The following TAPT1 variants were observed in gnomAD, a reference collection of about 807,000 sequenced individuals.
The protein encoded by TAPT1 is transmembrane anterior posterior transformation 1.
Under a neutral mutation model 65.6 loss-of-function variants are expected in TAPT1, and 28 were observed. That is an observed-to-expected ratio of 0.43 (90% CI 0.32 to 0.59). TAPT1 has a LOEUF of 0.59. Ranked by LOEUF, TAPT1 falls within the 20% of genes least tolerant of loss-of-function variation. TAPT1 has a pLI of 0.09. For synonymous variants in TAPT1, 278 were observed against 245.2 expected (o/e 1.13, Z -1.25); for missense variants, 563 against 679.9 (o/e 0.83, Z 1.91).
Position 16,166,693 on chromosome 4 carries a change from C to A in TAPT1, c.1414G>T (p.Ala472Ser), listed in dbSNP as rs376072922. 5 of 1,613,778 alleles carry A rather than the reference C, an allele frequency of 3.1e-6. No homozygotes were observed. The highest frequency in any genetic ancestry group is 4.2e-6 in the Non-Finnish European group (5 of 1,179,888). ...KMEEKLSNPP[A>S]TCTPGKPSSK... ...GACGGCTTGCCTGGAGTGCAGGTTG[C>A]GGGAGGATTCGACAGCTTCTCTTCC... Residue 472 changes from alanine (A) to serine (S), a missense_variant, in exon 13 of 14, where the codon GCA becomes TCA. Physicochemically the swap from Ala to Ser is moderately conservative, Grantham distance 99 (BLOSUM62 1). Around this residue, in one of 5 missense-constraint regions of TAPT1, gnomAD observed 136 missense variants for 153.9 expected, o/e 0.88. Coordinates refer to ENST00000405303, the MANE Select transcript of TAPT1 (RefSeq NM_153365.3).
chr4:16,183,884 C>A (rs1748852916), intron 7 of TAPT1, among the ~76,000 whole-genome samples: 1 of 152,154 alleles, frequency 6.6e-6, no homozygotes, highest in African/African-American at 2.4e-5. Flanking sequence ...CTTCTCAGAG[C>A]CTTGAGAGTC....
intron 12 of TAPT1, among the ~76,000 whole-genome samples, chr4:16,169,951 C>T (rs1180652789): frequency 6.6e-6 from 1 of 152,196 alleles, no homozygotes; most frequent in Admixed American, 6.5e-5. Flanking sequence ...CAGACCACCC[C>T]TCCCTGAGTG....
chr4:16,171,507 A>G (rs1186571733), intron 11 of TAPT1, among the ~76,000 whole-genome samples: 1 of 152,216 alleles, frequency 6.6e-6, no homozygotes, highest in Non-Finnish European at 1.5e-5. Flanking sequence ...CGTCTTATCT[A>G]GTAATGTCAA....
chr4:16,169,809 A>G (rs1220800186), intron 12 of TAPT1, among the ~76,000 whole-genome samples: 3 of 152,354 alleles, frequency 2.0e-5, no homozygotes, highest in Admixed American at 6.5e-5. Flanking sequence ...AGCCCTGGGC[A>G]GGAAACAATG....
chr4:16,166,676 G>A lies in TAPT1; in HGVS notation c.1431C>T (p.Gly477=). The part of the protein sequence containing the change: ...LSNPPATCTP[G]KPSSKSQNKC... ...TGTTCTGTGATTTACTGGACGGCTT[G>A]CCTGGAGTGCAGGTTGCGGGAGGAT... Residue 477 remains glycine, a synonymous_variant, in exon 13 of 14, where the codon GGC becomes GGT. Transcript: ENST00000405303. 1.2e-6 allele frequency: 2 copies of A among 1,614,022 alleles called. No individual in the cohort carries two copies. The highest frequency in any genetic ancestry group is 2.2e-5 in the South Asian group (2 of 91,084).
chr4:16,179,720 TATA>T, intron 7 of TAPT1, 63 bp from the exon 8 acceptor site: 1 of 808,376 alleles, frequency 1.2e-6, no homozygotes, highest in South Asian at 2.1e-5. Context: ...AAAGTACATA[TATA>T]ATTATTTTAG....
intron 3 of TAPT1, among the ~76,000 whole-genome samples, chr4:16,196,435 G>A (rs549737933): frequency 3.3e-5 from 5 of 152,232 alleles, no homozygotes; most frequent in African/African-American, 9.6e-5. Context: ...ACTTTTGAGC[G>A]GATTTTCATG....
At chr4:16,227,002 C>T (rs1415480755), upstream of TAPT1, 13 of 442,972 alleles carry the variant, frequency 2.9e-5, no homozygotes, top group Non-Finnish European at 5.9e-5. Context: ...GCCGCGGCGG[C>T]GGGGGCCCGG....
intron 13 of TAPT1, among the ~76,000 whole-genome samples, chr4:16,163,751 A>C (rs1027203146): frequency 3.3e-5 from 5 of 152,232 alleles, no homozygotes; most frequent in Non-Finnish European, 7.3e-5. Flanking sequence ...ATGGAAGGGT[A>C]CATTACATTG....
chr4:16,186,689 A>C, intron 6 of TAPT1, 85 bp from the exon 7 acceptor site: 1 of 1,359,742 alleles, frequency 7.4e-7, no homozygotes, highest in Non-Finnish European at 1.0e-6. Flanking sequence ...CCGGGAGAAC[A>C]ACATATAGAA....
intron 1 of TAPT1, among the ~76,000 whole-genome samples, chr4:16,214,252 G>C (rs1750805238): frequency 6.6e-6 from 1 of 152,120 alleles, no homozygotes; most frequent in Non-Finnish European, 1.5e-5. Context: ...ATATAAAATA[G>C]AGCAATATAT....
At chr4:16,196,103 T>G (rs980729810) in intron 3 of TAPT1, among the ~76,000 whole-genome samples, 3 of 152,202 alleles carry the variant, frequency 2.0e-5, no homozygotes, top group Non-Finnish European at 4.4e-5. Context: ...TTTTTGAAAG[T>G]GAAATCCTTT....
chr4:16,181,866 C>T (rs923159505), intron 7 of TAPT1, among the ~76,000 whole-genome samples: 2 of 152,008 alleles, frequency 1.3e-5, no homozygotes, highest in African/African-American at 4.8e-5. Context: ...CTGTGCCTGG[C>T]CCAAAACAAA....
At chr4:16,183,639 TA>T (rs371611531) in intron 7 of TAPT1, among the ~76,000 whole-genome samples, 5 of 152,280 alleles carry the variant, frequency 3.3e-5, no homozygotes, top group African/African-American at 1.2e-4. Context: ...TAAGGCTCTA[TA>T]AAGAGCACTT....
In TAPT1 at chr4:16,166,731, T is replaced by C; in HGVS notation, c.1376A>G (p.Lys459Arg). 1 of 1,613,962 alleles carries C rather than the reference T, an allele frequency of 6.2e-7. No individual in the cohort carries two copies. The highest frequency in any genetic ancestry group is 1.1e-5 in the South Asian group (1 of 91,078). ...VLLGKSCQYVKEAKMEEKLSN... is the reference protein window; with the variant it reads ...VLLGKSCQYVREAKMEEKLSN... ...CAGCTTCTCTTCCATTTTGGCTTCC[T>C]TCACATACTGGCACGATTTCCCCAA... Residue 459 changes from lysine to arginine, a missense_variant, in exon 13 of 14, where the codon AAG becomes AGG. By Grantham distance (26) the Lys-to-Arg change is conservative. This residue lies in a region of TAPT1 where 136 missense variants were observed against 153.9 expected (regional missense o/e 0.88). Coordinates refer to ENST00000405303, the MANE Select transcript of TAPT1 (RefSeq NM_153365.3).
At chr4:16,179,473 A>G in intron 8 of TAPT1, 104 bp downstream of exon 8, 2 of 666,084 alleles carry the variant, frequency 3.0e-6, no homozygotes, top group Non-Finnish European at 4.8e-6. Flanking sequence ...AAAACAGCCA[A>G]AGTCTTTTGG....
chr4:16,190,234 C>T (rs1230964843), intron 4 of TAPT1: 4 of 152,272 alleles, frequency 2.6e-5, no homozygotes, highest in African/African-American at 9.7e-5. Context: ...CAGCCCCCAC[C>T]CCATCTGTCC....
intron 7 of TAPT1, among the ~76,000 whole-genome samples, chr4:16,184,987 T>C (rs1274912183): frequency 6.6e-6 from 1 of 152,190 alleles, no homozygotes; most frequent in Non-Finnish European, 1.5e-5. Flanking sequence ...GTTTCTCTCT[T>C]TTGTTTTACA....
rs182522896 is a variant in TAPT1 at position 16,192,396 on chromosome 4, T to C, written c.450-873A>G. Among the ~76,000 whole-genome samples the C allele has an allele frequency of 3.5e-3, 530 of 152,370 alleles. 5 individuals carry two copies. Among genetic ancestry groups the C allele is most frequent in the South Asian group, 0.013 (65 of 4,834 alleles). ...ATATTTAACAGTTATTTATATTTCATATGAACACTCCCTATCTTTCTTGTA... is the reference window on the plus strand; with the variant it reads ...ATATTTAACAGTTATTTATATTTCACATGAACACTCCCTATCTTTCTTGTA... On this transcript the variant is annotated intron_variant, in intron 3 of 13. Transcript: ENST00000405303.
Sources: allele counts gnomAD v4.1 joint callset (sites outside exome capture counted in the v4.1 genomes callset), GRCh38; gene constraint gnomAD v4.1.1; regional missense constraint gnomAD v4.1.1; transcripts MANE v1.5; gene names NCBI Gene and HGNC (gene_info 2026-07-23, HGNC 2026-07-21).